CDH18: variants seen among roughly 807,000 people sequenced by gnomAD.
CDH18 encodes the protein cadherin 18.
In CDH18, 31 loss-of-function variants were observed where a neutral mutation model predicts 67.9. That is an observed-to-expected ratio of 0.46 (90% CI 0.34 to 0.62). The LOEUF is 0.62. Among genes scored for constraint, CDH18 ranks in the 20% least tolerant of loss-of-function variants. The probability of loss-of-function intolerance (pLI) is 0.01; values close to 1 mark genes in which losing one functional copy is unlikely to be tolerated. For synonymous variants in CDH18, 362 were observed against 347.2 expected (o/e 1.04, Z -0.48); for missense variants, 890 against 975.5 (o/e 0.91, Z 1.17).
intron 2 of CDH18, among the ~76,000 whole-genome samples, chr5:20,185,331 TC>T (rs1240383435): frequency 6.6e-6 from 1 of 151,930 alleles, no homozygotes; most frequent in East Asian, 1.9e-4. Flanking sequence ...TATGCAGCCT[TC>T]CCCCTGGGCT....
At chr5:19,510,056 G>C (rs939992631) in intron 10 of CDH18, among the ~76,000 whole-genome samples, 25 of 152,090 alleles carry the variant, frequency 1.6e-4, no homozygotes, top group African/African-American at 5.3e-4. Flanking sequence ...TAGATGTGCA[G>C]CATTCATAAT....
intron 10 of CDH18, among the ~76,000 whole-genome samples, chr5:19,507,989 T>A (rs1057428262): frequency 2.0e-4 from 31 of 151,940 alleles, no homozygotes; most frequent in African/African-American, 7.2e-4. Flanking sequence ...AATGTCCCAA[T>A]CATCTTGAAC....
At chr5:19,998,237 G>A (rs1736163305) in intron 2 of CDH18, among the ~76,000 whole-genome samples, 1 of 152,092 alleles carries the variant, frequency 6.6e-6, no homozygotes, top group Non-Finnish European at 1.5e-5. Context: ...ATGTTATTAC[G>A]AGTTTATTGG....
At chr5:20,017,447 T>C (rs1911857) in intron 2 of CDH18, among the ~76,000 whole-genome samples, 24,691 of 152,194 alleles carry the variant, frequency 0.16, 4,836 homozygotes, top group African/African-American at 0.47. Flanking sequence ...TCTAACAGAC[T>C]GCTTACAAAA....
At chr5:19,507,052 T>G (rs1345874267) in intron 10 of CDH18, among the ~76,000 whole-genome samples, 1 of 151,826 alleles carries the variant, frequency 6.6e-6, no homozygotes, top group Non-Finnish European at 1.5e-5. Context: ...TCAAACAAAT[T>G]TACAAGAAAA....
chr5:20,062,265 C>T (rs1404293605), intron 2 of CDH18, among the ~76,000 whole-genome samples: 1 of 151,552 alleles, frequency 6.6e-6, no homozygotes, highest in Non-Finnish European at 1.5e-5. Flanking sequence ...CAATGATTCT[C>T]CTGCCTCAGA....
At chr5:20,488,446 G>A (rs1176647712) in intron 1 of CDH18, among the ~76,000 whole-genome samples, 1 of 151,830 alleles carries the variant, frequency 6.6e-6, no homozygotes, top group Non-Finnish European at 1.5e-5. Flanking sequence ...CTTCATAAAG[G>A]GAGCTTTCAG....
intron 5 of CDH18, among the ~76,000 whole-genome samples, chr5:19,640,905 T>C (rs1448035465): frequency 2.0e-5 from 3 of 151,858 alleles, no homozygotes; most frequent in African/African-American, 7.2e-5. Flanking sequence ...AAATTAGTTT[T>C]GTGAAAGATA....
chr5:20,402,983 G>GACCA (rs1164831832), intron 1 of CDH18, among the ~76,000 whole-genome samples: 1 of 147,832 alleles, frequency 6.8e-6, no homozygotes, highest in Non-Finnish European at 1.5e-5. Flanking sequence ...AGGAGATTGA[G>GACCA]ACCAGCCTGG....
intron 12 of CDH18, among the ~76,000 whole-genome samples, chr5:19,482,426 G>GT (rs1389967605): frequency 6.6e-6 from 1 of 152,158 alleles, no homozygotes; most frequent in East Asian, 1.9e-4. Context: ...AAAAATTATT[G>GT]TTTTTAAGGG....
At chr5:19,527,212 A>G (rs754882069) in intron 9 of CDH18, among the ~76,000 whole-genome samples, 7 of 151,776 alleles carry the variant, frequency 4.6e-5, no homozygotes, top group Admixed American at 1.3e-4. Context: ...TATCCACTTA[A>G]GTGTATTTGT....
chr5:20,158,807 T>TCCATTCCTAAATCAAGTC (rs1314395938), intron 2 of CDH18: 1 of 186,114 alleles, frequency 5.4e-6, no homozygotes, highest in African/African-American at 2.4e-5. Context: ...AGCAAAGAGT[T>TCCATTCCTAAATCAAGTC]CCATTCCTAA....
chr5:19,504,712 T>C (rs774017281), intron 10 of CDH18, among the ~76,000 whole-genome samples: 9 of 152,126 alleles, frequency 5.9e-5, no homozygotes, highest in Non-Finnish European at 1.0e-4. Flanking sequence ...TTTCCCCTTC[T>C]TTATAAAACA....
chr5:20,376,884 G>A (rs1743494052), intron 1 of CDH18, among the ~76,000 whole-genome samples: 1 of 152,096 alleles, frequency 6.6e-6, no homozygotes, highest in Admixed American at 6.6e-5. Context: ...GGGCGTGGTG[G>A]CAGGTGGCTG....
intron 2 of CDH18, among the ~76,000 whole-genome samples, chr5:19,861,189 A>G (rs1428103978): frequency 6.6e-6 from 1 of 152,176 alleles, no homozygotes; most frequent in African/African-American, 2.4e-5. Flanking sequence ...CAGTAGTAGT[A>G]ATTGCCTCCC....
intron 1 of CDH18, among the ~76,000 whole-genome samples, chr5:19,982,082 T>G (rs959408641): frequency 6.6e-6 from 1 of 152,212 alleles, no homozygotes; most frequent in African/African-American, 2.4e-5. Context: ...TTGGATTTTA[T>G]TTTTGCTTTA....
intron 2 of CDH18, among the ~76,000 whole-genome samples, chr5:20,037,441 G>T (rs961804069): frequency 6.6e-6 from 1 of 151,874 alleles, no homozygotes; most frequent in Non-Finnish European, 1.5e-5. Context: ...TTCTAAAATT[G>T]ACCACACAAT....
chr5:20,571,951 A>T (rs1758843956), intron 1 of CDH18, among the ~76,000 whole-genome samples: 1 of 152,148 alleles, frequency 6.6e-6, no homozygotes, highest in Admixed American at 6.6e-5. Context: ...CAGTAAGAGA[A>T]GATCTCTAAC....
intron 2 of CDH18, among the ~76,000 whole-genome samples, chr5:20,078,541 A>T (rs1205703936): frequency 6.6e-6 from 1 of 152,104 alleles, no homozygotes; most frequent in East Asian, 1.9e-4. Context: ...TTATCAGTAA[A>T]GAAGAAACCA....
Sources: gnomAD v4.1 joint callset for allele counts (sites outside exome capture counted in the v4.1 genomes callset) on GRCh38, gnomAD v4.1.1 for gene constraint, MANE v1.5 for transcripts, NCBI Gene and HGNC (gene_info 2026-07-23, HGNC 2026-07-21) for gene names.